Variants in PPFIBP1 observed in about 807,000 individuals in gnomAD.
PPFIBP1 encodes PPFIB scaffold protein 1.
Under a neutral mutation model 137.8 loss-of-function variants are expected in PPFIBP1, and 112 were observed. The observed-to-expected ratio is 0.81, with a 90% CI of 0.70 to 0.95. The LOEUF (loss-of-function observed/expected upper bound fraction) is 0.95. Ranked by LOEUF, PPFIBP1 falls within the 40% of genes least tolerant of loss-of-function variation. PPFIBP1 has a pLI of 0.00. For missense variants in PPFIBP1, 1,083 were observed against 1,196.6 expected (o/e 0.91, Z 1.40); for synonymous variants, 378 against 417.3 (o/e 0.91, Z 1.15).
intron 2 of PPFIBP1, chr12:27,594,089 A>G (rs2052884174): frequency 8.4e-7 from 1 of 1,184,318 alleles, no homozygotes. Flanking sequence ...TCAAAAAAAG[A>G]AAAGAAGAAA....
intron 1 of PPFIBP1, among the ~76,000 whole-genome samples, chr12:27,549,946 GGA>G (rs1209793413): frequency 6.6e-6 from 1 of 152,188 alleles, no homozygotes; most frequent in Non-Finnish European, 1.5e-5. Context: ...GTAACCTCCC[GGA>G]GAGTCAGGAC....
chr12:27,672,378 G>A, intron 14 of PPFIBP1, 49 bp from the exon 15 acceptor site: 1 of 1,420,126 alleles, frequency 7.0e-7, no homozygotes, highest in Non-Finnish European at 9.9e-7. Context: ...AACATATATG[G>A]TCTTTTATTC....
intron 7 of PPFIBP1, among the ~76,000 whole-genome samples, chr12:27,653,783 C>A (rs2059027996): frequency 3.3e-5 from 5 of 151,990 alleles, no homozygotes; most frequent in Admixed American, 3.3e-4. Context: ...GTTTTGTGAG[C>A]AAATTGGTCC....
At chr12:27,530,072 ACT>A (rs1423972404) in intron 1 of PPFIBP1, among the ~76,000 whole-genome samples, 1 of 152,062 alleles carries the variant, frequency 6.6e-6, no homozygotes, top group Admixed American at 6.6e-5. Context: ...CAAGGTTGAA[ACT>A]CTGTGGTCTA....
At chr12:27,601,622 C>T (rs1320096324) in intron 2 of PPFIBP1, among the ~76,000 whole-genome samples, 2 of 152,208 alleles carry the variant, frequency 1.3e-5, no homozygotes, top group African/African-American at 4.8e-5. Context: ...GACCTAGATT[C>T]GCCTCCAGAG....
intron 1 of PPFIBP1, among the ~76,000 whole-genome samples, chr12:27,560,647 A>G (rs536092837): frequency 6.6e-6 from 1 of 152,346 alleles, no homozygotes; most frequent in Non-Finnish European, 1.5e-5. Context: ...ACATCAACAC[A>G]GCCATACGAG....
intron 1 of PPFIBP1, among the ~76,000 whole-genome samples, chr12:27,573,935 T>C (rs1485379744): frequency 1.3e-5 from 2 of 151,066 alleles, no homozygotes; most frequent in African/African-American, 2.4e-5. Context: ...TGAGTTGTGA[T>C]TGTACCACTG....
chr12:27,654,502 C>T, intron 7 of PPFIBP1: 1 of 417,908 alleles, frequency 2.4e-6, no homozygotes, highest in Admixed American at 4.5e-5. Context: ...ATAAGCCCAT[C>T]ACTTTAGGGC....
At chr12:27,661,213 A>G (rs2059526679) in intron 11 of PPFIBP1, among the ~76,000 whole-genome samples, 1 of 152,212 alleles carries the variant, frequency 6.6e-6, no homozygotes, top group African/African-American at 2.4e-5. Flanking sequence ...CATGTAAGAG[A>G]GAGGATACAT....
chr12:27,559,666 C>T (rs2049001426), intron 1 of PPFIBP1, among the ~76,000 whole-genome samples: 1 of 152,184 alleles, frequency 6.6e-6, no homozygotes, highest in Non-Finnish European at 1.5e-5. Flanking sequence ...TACCAAAACT[C>T]TCTGTGATTT....
At chr12:27,647,320 G>A (rs1281231436) in intron 5 of PPFIBP1, among the ~76,000 whole-genome samples, 1 of 152,032 alleles carries the variant, frequency 6.6e-6, no homozygotes, top group African/African-American at 2.4e-5. Context: ...CCTACCCCTG[G>A]CCAGGTTCTT....
chr12:27,639,958 A>C (rs1403960089), intron 4 of PPFIBP1, among the ~76,000 whole-genome samples: 1 of 152,118 alleles, frequency 6.6e-6, no homozygotes, highest in Non-Finnish European at 1.5e-5. Flanking sequence ...TTTGCTTTTC[A>C]TCTGTGCCTC....
chr12:27,595,885 AAATATATATATAT>A (rs1389353189), intron 2 of PPFIBP1, among the ~76,000 whole-genome samples: 27,275 of 116,122 alleles, frequency 0.23, 3,373 homozygotes, highest in Middle Eastern at 0.4. Flanking sequence ...AACAACAACA[AAATATATATATAT>A]ATATATATAT....
At chr12:27,547,358 G>T (rs1483874518) in intron 1 of PPFIBP1, 1 of 152,180 alleles carries the variant, frequency 6.6e-6, no homozygotes, top group Non-Finnish European at 1.5e-5. Context: ...GATCTGAGCT[G>T]AATATCAAAA....
chr12:27,594,838 A>G (rs568931830), intron 2 of PPFIBP1, among the ~76,000 whole-genome samples: 51 of 152,344 alleles, frequency 3.3e-4, no homozygotes, highest in African/African-American at 1.2e-3. Context: ...GTACATTTAT[A>G]TAATATATCC....
intron 4 of PPFIBP1, among the ~76,000 whole-genome samples, chr12:27,638,087 A>G (rs115740540): frequency 0.22 from 33,038 of 151,898 alleles, 3,807 homozygotes; most frequent in East Asian, 0.29. Flanking sequence ...TACTTACTGC[A>G]CATAGAATTT....
At position 27,692,935 on chromosome 12, in the gene PPFIBP1, TTCC is replaced by T; in HGVS notation, c.*54_*56del. ...TGCTTAGTCTTTTTTCTACTTGCTT[TTCC>T]AAACACTCACAGTATATACAACAGG... is the stretch of plus-strand genomic sequence containing the variant. On this transcript the variant is annotated 3_prime_UTR_variant, in exon 30 of 30. Coordinates refer to ENST00000228425, the MANE Select transcript of PPFIBP1 (RefSeq NM_003622.4). 6.2e-7 allele frequency: 1 copy of T among 1,605,828 alleles called. No homozygotes were observed.
intron 2 of PPFIBP1, chr12:27,593,981 T>C (rs1437032969): frequency 2.9e-6 from 4 of 1,391,446 alleles, no homozygotes; most frequent in African/African-American, 3.0e-5. Context: ...GAGGATCAGG[T>C]TGGAATTGGA....
intron 5 of PPFIBP1, 58 bp downstream of exon 5, chr12:27,646,206 T>C: frequency 7.2e-7 from 1 of 1,381,180 alleles, no homozygotes; most frequent in Admixed American, 1.8e-5. Context: ...GCCTTTTAAA[T>C]TGGGGTGGCA....
Sources: allele counts gnomAD v4.1 joint callset (sites outside exome capture counted in the v4.1 genomes callset), GRCh38; gene constraint gnomAD v4.1.1; transcripts MANE v1.5; gene names NCBI Gene and HGNC (gene_info 2026-07-23, HGNC 2026-07-21).